PPEF2: variants seen among roughly 807,000 people sequenced by gnomAD.
PPEF2 encodes protein phosphatase with EF-hand domain 2.
A neutral mutation model predicts 84.7 loss-of-function variants in PPEF2; 84 were observed. The ratio of observed to expected loss-of-function variants is 0.99; its 90% CI spans 0.83 to 1.19. The LOEUF is 1.19. Ranked by LOEUF, PPEF2 falls within the 50% of genes most tolerant of loss-of-function variation. The pLI, the probability that PPEF2 is intolerant of heterozygous loss-of-function variation, is 0.00. For missense variants in PPEF2, 924 were observed against 937.5 expected (o/e 0.99, Z 0.19); for synonymous variants, 346 against 345.2 (o/e 1.00, Z -0.03).
At chr4:75,882,806 T>A (rs1578009634) in intron 10 of PPEF2, 120 bp downstream of exon 10, 1 of 1,102,426 alleles carries the variant, frequency 9.1e-7, no homozygotes, top group South Asian at 1.6e-5. Context: ...ATACTCTTAA[T>A]GGCCTCCACA....
At position 75,893,850 on chromosome 4, in the gene PPEF2, C is replaced by T. The variant is rs577036965; in HGVS notation, c.56-1872G>A. On this transcript the variant is annotated intron_variant, in intron 2 of 16. Transcript: ENST00000286719. Reference sequence around the variant, plus strand: ...ACTCAGGCAGCAGAAGTGGGCAACACCTTTCATTCTCCCTCTTTTTTTCTT... The same window carrying T: ...ACTCAGGCAGCAGAAGTGGGCAACATCTTTCATTCTCCCTCTTTTTTTCTT... 3.3e-5 allele frequency among the ~76,000 whole-genome samples: 4 copies of T among 119,446 alleles called. No homozygotes were observed. The South Asian group carries it at 1.7e-3, about 52-fold the overall frequency. The allele number at this position is 119,446 out of a possible 152,430, so 78.4% of individuals were successfully genotyped here. A position where few individuals can be genotyped will look rare whatever the true frequency, so the allele number is the denominator to read the frequency against.
In PPEF2 at chr4:75,873,424, T is replaced by A. The variant is rs1014931148; in HGVS notation, c.1321-112A>T. The A allele has an allele frequency of 8.0e-6, 8 of 1,002,000 alleles. No individual in the cohort carries two copies. In the Admixed American group the frequency reaches 1.2e-4, roughly 15 times the overall value. 62.1% of individuals were successfully genotyped at this position (1,002,000 alleles called of 1,614,324 possible). A position where few individuals can be genotyped will look rare whatever the true frequency, so the allele number is the denominator to read the frequency against. On this transcript the variant is annotated intron_variant, in intron 11 of 16. Transcript: ENST00000286719. ...AAATATTTGAATAAAAATAAGTGAA[T>A]AAATGTCCATGCAAGCAATATTTGA...
chr4:75,891,574 G>A, intron 4 of PPEF2, 74 bp downstream of exon 4: 1 of 1,478,180 alleles, frequency 6.8e-7, no homozygotes, highest in Non-Finnish European at 9.1e-7. Flanking sequence ...TTCACTCCCT[G>A]TGCATCCCCC....
chr4:75,896,764 T>G (rs1725018662), intron 1 of PPEF2, among the ~76,000 whole-genome samples: 2 of 152,150 alleles, frequency 1.3e-5, no homozygotes, highest in South Asian at 4.1e-4. Context: ...AAAATCACCT[T>G]TTTCATCCTC....
intron 16 of PPEF2, among the ~76,000 whole-genome samples, chr4:75,863,651 A>G (rs933669153): frequency 1.3e-5 from 2 of 152,148 alleles, no homozygotes; most frequent in African/African-American, 2.4e-5. Context: ...AATAACATTG[A>G]AAAAAGCCTT....
chr4:75,886,342 C>G (rs1724723529), intron 7 of PPEF2, among the ~76,000 whole-genome samples: 1 of 152,166 alleles, frequency 6.6e-6, no homozygotes, highest in Non-Finnish European at 1.5e-5. Flanking sequence ...TACCCGAGGC[C>G]GGTGCGGAGA....
chr4:75,892,327 G>A (rs1222499387), intron 2 of PPEF2, among the ~76,000 whole-genome samples: 1 of 152,142 alleles, frequency 6.6e-6, no homozygotes, highest in Non-Finnish European at 1.5e-5. Flanking sequence ...TTGCAAGGAT[G>A]CAGCATCCCT....
Position 75,890,094 on chromosome 4 carries a change from C to T in PPEF2, c.280G>A (p.Ala94Thr), listed in dbSNP as rs867799360. The T allele has an allele frequency of 1.9e-5, 30 of 1,613,832 alleles. No homozygotes were observed. Among genetic ancestry groups the T allele is most frequent in the Non-Finnish European group, 2.4e-5 (28 of 1,180,004 alleles). Residue 94 changes from alanine to threonine, a missense_variant, in exon 5 of 17, where the codon GCC (alanine) becomes ACC (threonine). Physicochemically the swap from Ala to Thr is moderately conservative, Grantham distance 58 (BLOSUM62 0). Transcript: ENST00000286719. Reference sequence around the variant, plus strand: ...CATTTCTTCATCTCGGAGTCCTGGGCGAATCTGTCCTCAGTGAATATGCGG... The same window carrying T: ...CATTTCTTCATCTCGGAGTCCTGGGTGAATCTGTCCTCAGTGAATATGCGG... ...LTRIFTEDRF[A>T]QDSEMKKCSD...
chr4:75,861,785 A>G (rs1262774553), intron 16 of PPEF2, among the ~76,000 whole-genome samples: 1 of 139,908 alleles, frequency 7.1e-6, no homozygotes, highest in Non-Finnish European at 1.5e-5. Context: ...AATTTTTTGT[A>G]TTTTTAGTAG....
intron 10 of PPEF2, among the ~76,000 whole-genome samples, chr4:75,880,018 G>A (rs765616594): frequency 3.7e-4 from 56 of 151,780 alleles, no homozygotes; most frequent in Non-Finnish European, 6.2e-4. Context: ...TAGTAGAGAC[G>A]GGGGTTTCAC....
At chr4:75,890,546 G>T (rs926572111) in intron 4 of PPEF2, among the ~76,000 whole-genome samples, 2 of 151,536 alleles carry the variant, frequency 1.3e-5, no homozygotes, top group African/African-American at 2.4e-5. Context: ...GGTTAATCTG[G>T]CTTCAGCTTC....
intron 10 of PPEF2, chr4:75,882,034 C>CT (rs1213795338): frequency 6.6e-6 from 1 of 152,122 alleles, no homozygotes; most frequent in African/African-American, 2.4e-5. Flanking sequence ...AAAATAGAAA[C>CT]TTTGCTTCCT....
intron 10 of PPEF2, among the ~76,000 whole-genome samples, chr4:75,879,357 A>G (rs1724507815): frequency 6.6e-6 from 1 of 152,224 alleles, no homozygotes; most frequent in Non-Finnish European, 1.5e-5. Context: ...CTACTTTAAC[A>G]TGGGCAAAAT....
At chr4:75,870,853 A>C (rs1724251060) in intron 13 of PPEF2, among the ~76,000 whole-genome samples, 1 of 151,186 alleles carries the variant, frequency 6.6e-6, no homozygotes, top group Admixed American at 6.6e-5. Context: ...CTCAACTAAG[A>C]ACTCAGAATC....
chr4:75,868,315 CAAA>C (rs10646136), intron 13 of PPEF2, among the ~76,000 whole-genome samples: 3 of 55,708 alleles, frequency 5.4e-5, no homozygotes, highest in Admixed American at 6.5e-4. Flanking sequence ...GACCCTGTCT[CAAA>C]AAAAAAAAAA....
chr4:75,872,439 A>G (rs1383620740), intron 12 of PPEF2, among the ~76,000 whole-genome samples: 2 of 152,210 alleles, frequency 1.3e-5, no homozygotes, highest in Non-Finnish European at 2.9e-5. Flanking sequence ...CAAGGGTCAT[A>G]GAAAACACCA....
At chr4:75,871,982 C>A in intron 13 of PPEF2, 43 bp downstream of exon 13, 1 of 1,527,412 alleles carries the variant, frequency 6.5e-7, no homozygotes, top group Non-Finnish European at 8.9e-7. Context: ...TCTATGAACA[C>A]TATAATTTTT....
Position 75,866,157 on chromosome 4 carries a change from T to G in PPEF2, c.1920+32A>C, listed in dbSNP as rs377359375. The G allele has an allele frequency of 1.9e-6, 3 of 1,582,164 alleles. No individual in the cohort carries two copies. In the East Asian group the frequency reaches 6.7e-5, roughly 36 times the overall value. ...TCTCTAAGGAGTATCATAGTCCACA[T>G]GTGCTCTCATCCACCATTACCACAC... On this transcript the variant is annotated intron_variant, in intron 15 of 16. Coordinates refer to ENST00000286719, the MANE Select transcript of PPEF2 (RefSeq NM_006239.3).
intron 5 of PPEF2, among the ~76,000 whole-genome samples, chr4:75,889,371 TCCAGG>T (rs745576797): frequency 2.6e-5 from 4 of 152,142 alleles, no homozygotes; most frequent in Non-Finnish European, 4.4e-5. Flanking sequence ...TCGTGAACAG[TCCAGG>T]CAAGTTTCTG....
Sources: gnomAD v4.1 joint callset for allele counts (sites outside exome capture counted in the v4.1 genomes callset) on GRCh38, gnomAD v4.1.1 for gene constraint, MANE v1.5 for transcripts, NCBI Gene and HGNC (gene_info 2026-07-23, HGNC 2026-07-21) for gene names.